The following NETO1 variants were observed in gnomAD, a reference collection of about 807,000 sequenced individuals.
NETO1 encodes neuropilin and tolloid-like protein 1.
A neutral mutation model predicts 61.3 loss-of-function variants in NETO1; 26 were observed. That is an observed-to-expected ratio of 0.42 (90% CI 0.31 to 0.59). NETO1 has a LOEUF of 0.59. NETO1 is among the 20% of genes least tolerant of loss of function. The pLI is 0.12. For synonymous variants in NETO1, 225 were observed against 225.8 expected, an observed-to-expected ratio of 1.00 and a Z score of 0.03; for missense variants, 531 against 662.8, an observed-to-expected ratio of 0.80 and a Z score of 2.18.
intron 8 of NETO1, 140 bp from the exon 9 acceptor site, chr18:72,750,760 CTT>C: frequency 1.7e-6 from 1 of 581,500 alleles, no homozygotes; most frequent in Admixed American, 3.3e-5. Flanking sequence ...CTTATAATAA[CTT>C]AAGAAAATAT....
Position 72,783,888 on chromosome 18 carries a change from C to G in NETO1, c.658G>C (p.Asp220His), listed in dbSNP as rs1379475222. ...TCATTTGAATTCTGCATCTCATAGT[C>G]CAAGAATCGTAAGTAAATCTATAAA... ...PRSKIYLRFL[D>H]YEMQNSNECK... The change falls in exon 7 of 11, where the codon GAC (aspartate) becomes CAC (histidine). Residue 220 changes from aspartate to histidine, a missense_variant. Physicochemically the swap from Asp to His is moderately conservative, Grantham distance 81 (BLOSUM62 -1). Coordinates refer to ENST00000327305, the MANE Select transcript of NETO1 (RefSeq NM_138966.5). 1.2e-6 allele frequency: 2 copies of G among 1,612,408 alleles called. No homozygotes were observed. The highest frequency in any genetic ancestry group is 1.7e-6 in the Non-Finnish European group (2 of 1,178,654).
intron 4 of NETO1, among the ~76,000 whole-genome samples, chr18:72,848,664 T>C (rs1049952432): frequency 6.6e-6 from 1 of 152,200 alleles, no homozygotes; most frequent in African/African-American, 2.4e-5. Context: ...GAGACTGTAC[T>C]CTGTCATTTG....
rs148381949 is a variant in NETO1 at position 72,806,382 on chromosome 18, G to A, written c.470-11978C>T. 3.8e-4 allele frequency among the ~76,000 whole-genome samples: 58 copies of A among 152,224 alleles called. No homozygotes were observed. The East Asian group carries it at 9.3e-3, about 24-fold the overall frequency. On this transcript the variant is annotated intron_variant, in intron 4 of 10. Transcript: ENST00000327305. ...ACCTATAAACTCATCCAGATCCACT[G>A]TCATTACTGCCTATCTACCAACACT...
intron 3 of NETO1, among the ~76,000 whole-genome samples, 176 bp downstream of exon 3, chr18:72,864,632 T>C (rs1035301040): frequency 2.0e-5 from 3 of 152,250 alleles, no homozygotes; most frequent in Non-Finnish European, 4.4e-5. Context: ...TACTAGTTAA[T>C]CTCAATAATT....
intron 4 of NETO1, among the ~76,000 whole-genome samples, chr18:72,795,371 G>T (rs1024029222): frequency 1.1e-4 from 16 of 152,162 alleles, no homozygotes; most frequent in Middle Eastern, 3.2e-3. Context: ...AATGTTGAAG[G>T]TGTTAATATA....
intron 8 of NETO1, among the ~76,000 whole-genome samples, chr18:72,752,466 A>G: frequency 6.6e-6 from 1 of 152,204 alleles, no homozygotes; most frequent in East Asian, 1.9e-4. Context: ...GTGGTGCAGC[A>G]TCAGAGGCTT....
At chr18:72,791,972 G>T (rs2072135357) in intron 6 of NETO1, among the ~76,000 whole-genome samples, 1 of 152,172 alleles carries the variant, frequency 6.6e-6, no homozygotes, top group Non-Finnish European at 1.5e-5. Flanking sequence ...TTTAAGATTT[G>T]TTCAGAGGCA....
intron 6 of NETO1, among the ~76,000 whole-genome samples, chr18:72,787,213 C>G (rs1437580314): frequency 6.6e-6 from 1 of 150,852 alleles, no homozygotes; most frequent in Non-Finnish European, 1.5e-5. Flanking sequence ...AAATTCTATG[C>G]AATAAATTCA....
chr18:72,763,842 C>G (rs1432557440), intron 7 of NETO1, among the ~76,000 whole-genome samples: 1 of 152,102 alleles, frequency 6.6e-6, no homozygotes, highest in South Asian at 2.1e-4. Context: ...CCAAGACTAG[C>G]TAATTTATAA....
intron 4 of NETO1, among the ~76,000 whole-genome samples, chr18:72,799,297 T>C (rs1417580571): frequency 6.6e-6 from 1 of 152,228 alleles, no homozygotes; most frequent in African/African-American, 2.4e-5. Context: ...CAATCTGGGA[T>C]GACGAGTCTA....
chr18:72,824,145 T>C (rs2073299085), intron 4 of NETO1, among the ~76,000 whole-genome samples: 1 of 152,238 alleles, frequency 6.6e-6, no homozygotes, highest in Non-Finnish European at 1.5e-5. Context: ...ATAGATTGGT[T>C]ACACACTTTG....
chr18:72,796,510 C>T (rs540294989), intron 4 of NETO1, among the ~76,000 whole-genome samples: 171 of 152,266 alleles, frequency 1.1e-3, no homozygotes, highest in Middle Eastern at 6.8e-3. Flanking sequence ...GAGACGGAGT[C>T]TGGCTCTGTC....
Position 72,867,395 on chromosome 18 carries a change from C to T in NETO1, c.-104G>A, listed in dbSNP as rs543430489. 3.0e-4 allele frequency: 257 copies of T among 844,486 alleles called. 3 individuals are homozygous for T. The African/African-American group carries it at 4.4e-3, about 14-fold the overall frequency. 52.3% of individuals were successfully genotyped at this position (844,486 alleles called of 1,614,324 possible). A position where few individuals can be genotyped will look rare whatever the true frequency, so the allele number is the denominator to read the frequency against. Reference sequence around the variant, plus strand: ...ACAGGGTCGAGAGGTGTTAAAGACGCAAAGCAAGAAGGAAATAAAGGGGGG... The same window carrying T: ...ACAGGGTCGAGAGGTGTTAAAGACGTAAAGCAAGAAGGAAATAAAGGGGGG... On this transcript the variant is annotated 5_prime_UTR_variant, in exon 1 of 11. Transcript: ENST00000327305.
chr18:72,823,248 TGAG>T (rs1225603731), intron 4 of NETO1, among the ~76,000 whole-genome samples: 1 of 152,132 alleles, frequency 6.6e-6, no homozygotes, highest in Non-Finnish European at 1.5e-5. Context: ...AGTCTGGTAG[TGAG>T]AGACAATATG....
intron 8 of NETO1, 77 bp downstream of exon 8, chr18:72,755,953 ACTGT>A: frequency 1.4e-6 from 1 of 692,344 alleles, no homozygotes; most frequent in South Asian, 1.8e-5. Flanking sequence ...TATTTTAAAG[ACTGT>A]CTGATTGATA....
intron 4 of NETO1, among the ~76,000 whole-genome samples, chr18:72,828,134 G>A (rs909979260): frequency 7.9e-5 from 12 of 152,134 alleles, no homozygotes; most frequent in African/African-American, 2.9e-4. Flanking sequence ...CCAATATGGC[G>A]AAACCCCGTC....
At chr18:72,774,586 GAATT>G (rs1423084015) in intron 7 of NETO1, among the ~76,000 whole-genome samples, 1 of 152,094 alleles carries the variant, frequency 6.6e-6, no homozygotes, top group Non-Finnish European at 1.5e-5. Context: ...ATCAATGTAA[GAATT>G]ATCCAATGTA....
chr18:72,789,233 CACACACACACACACACAT>C (rs1312611958), intron 6 of NETO1, among the ~76,000 whole-genome samples: 8 of 146,194 alleles, frequency 5.5e-5, no homozygotes, highest in Non-Finnish European at 9.2e-5. Flanking sequence ...CACACACACA[CACACACACACACACACAT>C]GTGCACAGCA....
chr18:72,777,090 G>A (rs1417512901), intron 7 of NETO1, among the ~76,000 whole-genome samples: 4 of 152,154 alleles, frequency 2.6e-5, no homozygotes, highest in Non-Finnish European at 5.9e-5. Flanking sequence ...AGAAGCAGCA[G>A]GTCCCCAGCA....
Sources: allele counts gnomAD v4.1 joint callset (sites outside exome capture counted in the v4.1 genomes callset), GRCh38; gene constraint gnomAD v4.1.1; transcripts MANE v1.5; gene names NCBI Gene and HGNC (gene_info 2026-07-23, HGNC 2026-07-21).